The following RERG variants were observed in gnomAD, a reference collection of about 807,000 sequenced individuals.
RERG encodes RAS like estrogen regulated growth inhibitor.
In RERG, 25 loss-of-function variants were observed where a neutral mutation model predicts 23.2. The ratio of observed to expected loss-of-function variants is 1.08; its 90% confidence interval spans 0.79 to 1.50. The LOEUF (loss-of-function observed/expected upper bound fraction) is 1.50. Ranked by LOEUF, RERG falls within the 40% of genes most tolerant of loss-of-function variation. The pLI is 0.00. For missense variants in RERG, 253 were observed against 250.1 expected (o/e 1.01, Z -0.08); for synonymous variants, 81 against 89.1 (o/e 0.91, Z 0.51).
At chr12:15,218,873 C>A (rs1000639792) in intron 1 of RERG, among the ~76,000 whole-genome samples, 1 of 152,014 alleles carries the variant, frequency 6.6e-6, no homozygotes, top group Admixed American at 6.6e-5. Flanking sequence ...ACATCTTAAT[C>A]ACTCTAAAAG....
At chr12:15,119,739 T>C (rs773187453) in intron 3 of RERG, among the ~76,000 whole-genome samples, 7 of 152,106 alleles carry the variant, frequency 4.6e-5, no homozygotes, top group Non-Finnish European at 7.4e-5. Context: ...TGTAGAAACA[T>C]GCTATTCTCC....
At chr12:15,145,556 G>C (rs1364262089) in intron 2 of RERG, among the ~76,000 whole-genome samples, 2 of 152,212 alleles carry the variant, frequency 1.3e-5, no homozygotes, top group African/African-American at 4.8e-5. Flanking sequence ...GAGTGTCGCA[G>C]GTGTGCCATC....
chr12:15,166,270 A>C (rs1864685903), intron 2 of RERG, among the ~76,000 whole-genome samples: 1 of 152,254 alleles, frequency 6.6e-6, no homozygotes, highest in South Asian at 2.1e-4. Context: ...TATTGAAAAT[A>C]AATAGCCAAC....
At chr12:15,174,634 C>A (rs74662161) in intron 2 of RERG, among the ~76,000 whole-genome samples, 9,125 of 151,996 alleles carry the variant, frequency 0.06, 926 homozygotes, top group African/African-American at 0.21. Flanking sequence ...TCCCACAGAT[C>A]TTTGAATCTC....
At chr12:15,117,654 A>G (rs1863747697) in intron 3 of RERG, among the ~76,000 whole-genome samples, 1 of 146,442 alleles carries the variant, frequency 6.8e-6, no homozygotes, top group African/African-American at 2.6e-5. Context: ...CTTCCTCTCC[A>G]AATGCCTCCA....
chr12:15,208,027 A>C (rs1394680176), intron 2 of RERG, among the ~76,000 whole-genome samples: 2 of 152,132 alleles, frequency 1.3e-5, no homozygotes, highest in African/African-American at 4.8e-5. Flanking sequence ...ATATCAGTAG[A>C]CTAGTGGTAG....
rs547336821 is a variant in RERG at position 15,221,217 on chromosome 12, G to T, written c.-137C>A. ...CACCTGTTCACACTCTCCAGGCCAG[G>T]AGAGCTACGGTCCTCTGCAAGTTCG... On this transcript the variant is annotated 5_prime_UTR_variant, in exon 1 of 5. Coordinates refer to ENST00000256953, the MANE Select transcript of RERG (RefSeq NM_032918.3). 2 of 152,438 alleles carry T rather than the reference G, an allele frequency of 1.3e-5. No individual in the cohort carries two copies. Among genetic ancestry groups the T allele is most frequent in the South Asian group, 4.1e-4 (2 of 4,830 alleles). The allele number at this position is 152,438 out of a possible 1,614,324, so 9.4% of individuals were successfully genotyped here. A position where few individuals can be genotyped will look rare whatever the true frequency, so the allele number is the denominator to read the frequency against.
rs1292467044 is a variant in RERG, at chr12:15,148,859, T to G, written c.62-27740A>C. ...GTCCTTTAACTCTGTTTTTTTTTTT[T>G]TTTTTTTTTTTTTTTTTTTTTTTTT... On this transcript the variant is annotated intron_variant, in intron 2 of 4. Coordinates refer to ENST00000256953, the MANE Select transcript of RERG (RefSeq NM_032918.3). Among the ~76,000 whole-genome samples, 471 of 75,852 alleles carry G rather than the reference T, an allele frequency of 6.2e-3. 1 individual carries two copies. The highest frequency in any genetic ancestry group is 6.4e-3 in the Non-Finnish European group (264 of 40,982). The allele number at this position is 75,852 out of a possible 152,430, so 49.8% of individuals were successfully genotyped here. A position where few individuals can be genotyped will look rare whatever the true frequency, so the allele number is the denominator to read the frequency against.
intron 2 of RERG, among the ~76,000 whole-genome samples, chr12:15,196,724 T>C (rs947675871): frequency 6.6e-6 from 1 of 152,186 alleles, no homozygotes; most frequent in African/African-American, 2.4e-5. Context: ...GATTCTACAA[T>C]TACTGTCAGT....
intron 2 of RERG, among the ~76,000 whole-genome samples, chr12:15,143,695 C>T (rs934236378): frequency 6.6e-6 from 1 of 152,018 alleles, no homozygotes; most frequent in African/African-American, 2.4e-5. Context: ...GATTTTAGTA[C>T]AGGCAAACAG....
At chr12:15,215,816 G>T (rs552844094) in intron 2 of RERG, among the ~76,000 whole-genome samples, 1 of 152,210 alleles carries the variant, frequency 6.6e-6, no homozygotes, top group South Asian at 2.1e-4. Flanking sequence ...TGATGCATGA[G>T]CCTTGACAGG....
rs1445003514 is a variant in RERG at position 15,125,770 on chromosome 12, A to G, written c.62-4651T>C. On this transcript the variant is annotated intron_variant, in intron 2 of 4. Transcript: ENST00000256953. ...TAATATTTTAAAAATTATAATGGAA[A>G]AAGTTTAAAAGTAATGCAGTAGTGT... Among the ~76,000 whole-genome samples the G allele has an allele frequency of 2.0e-5, 3 of 152,174 alleles. No individual in the cohort carries two copies. The East Asian group carries it at 5.8e-4, about 29-fold the overall frequency.
In RERG at chr12:15,139,014, C is replaced by CTTTTTT. The variant is rs34755371; in HGVS notation, c.62-17901_62-17896dup. On this transcript the variant is annotated intron_variant, in intron 2 of 4. Coordinates refer to ENST00000256953, the MANE Select transcript of RERG (RefSeq NM_032918.3). ...TGAAAGTTGTTCACCTGTGTCTAGA[C>CTTTTTT]TTTTTTTTTTTTTTTTTTTTTTGCC... is the stretch of plus-strand genomic sequence containing the variant. Among the ~76,000 whole-genome samples the CTTTTTT allele has an allele frequency of 6.6e-3, 337 of 51,078 alleles. 27 individuals carry two copies. The highest frequency in any genetic ancestry group is 0.02 in the African/African-American group (273 of 13,816). 33.5% of individuals were successfully genotyped at this position (51,078 alleles called of 152,430 possible).
intron 2 of RERG, among the ~76,000 whole-genome samples, chr12:15,143,487 C>G (rs965558871): frequency 1.3e-5 from 2 of 151,940 alleles, no homozygotes; most frequent in South Asian, 4.2e-4. Context: ...TAGATTTAAG[C>G]CATTGTATTC....
At chr12:15,123,553 T>C (rs1035186971) in intron 2 of RERG, among the ~76,000 whole-genome samples, 1 of 146,208 alleles carries the variant, frequency 6.8e-6, no homozygotes, top group South Asian at 2.1e-4. Flanking sequence ...ATATTCAAAA[T>C]AGTTAATTTA....
chr12:15,133,852 A>G (rs1318366977), intron 2 of RERG, among the ~76,000 whole-genome samples: 1 of 151,924 alleles, frequency 6.6e-6, no homozygotes, highest in Non-Finnish European at 1.5e-5. Flanking sequence ...CCTAAATGAT[A>G]CATGATGTTG....
chr12:15,155,860 C>T (rs949512897), intron 2 of RERG, among the ~76,000 whole-genome samples: 1 of 53,440 alleles, frequency 1.9e-5, no homozygotes, highest in African/African-American at 9.5e-5. Context: ...AACTATTTCT[C>T]ATAATAATAC....
At chr12:15,109,652 G>T in intron 4 of RERG, 135 bp from the exon 5 acceptor site, 1 of 639,128 alleles carries the variant, frequency 1.6e-6, no homozygotes, top group Non-Finnish European at 2.6e-6. Flanking sequence ...TACTCTAATT[G>T]TACAAACTTT....
intron 2 of RERG, among the ~76,000 whole-genome samples, chr12:15,187,186 G>A (rs144809450): frequency 0.01 from 1,537 of 152,146 alleles, 27 homozygotes; most frequent in African/African-American, 0.035. Context: ...CCTTTCAAGA[G>A]CAGAGGGGTA....
Sources: allele counts gnomAD v4.1 joint callset (sites outside exome capture counted in the v4.1 genomes callset), GRCh38; gene constraint gnomAD v4.1.1; transcripts MANE v1.5; gene names NCBI Gene and HGNC (gene_info 2026-07-23, HGNC 2026-07-21).